Variants in LY75 observed in about 807,000 individuals in gnomAD.
LY75 encodes the protein lymphocyte antigen 75, also known as C-type lectin domain family 13 member B.
In LY75, 185 loss-of-function variants were observed where a neutral mutation model predicts 231.7. That is an observed-to-expected ratio of 0.80 (90% CI 0.71 to 0.90). LY75 has a LOEUF of 0.90. LY75 is among the 40% of genes least tolerant of loss of function. LY75 has a pLI of 0.00. For synonymous variants in LY75, 668 were observed against 689.0 expected (o/e 0.97, Z 0.48); for missense variants, 1,947 against 2,050.2 (o/e 0.95, Z 0.97).
chr2:159,860,043 T>C (rs919969257), intron 15 of LY75, among the ~76,000 whole-genome samples: 8 of 152,256 alleles, frequency 5.3e-5, no homozygotes, highest in Admixed American at 3.9e-4. Context: ...GACTTTAGTT[T>C]TGTGAAGACA....
intron 23 of LY75, among the ~76,000 whole-genome samples, chr2:159,844,936 C>G (rs756202963): frequency 1.3e-5 from 2 of 152,002 alleles, no homozygotes; most frequent in Non-Finnish European, 1.5e-5. Context: ...CTCCCTCTCC[C>G]CTGTGCTCAG....
chr2:159,896,793 T>C (rs1157487130), intron 2 of LY75, among the ~76,000 whole-genome samples: 6 of 152,196 alleles, frequency 3.9e-5, no homozygotes, highest in Non-Finnish European at 5.9e-5. Flanking sequence ...ATGTAGAACT[T>C]AGATGGTACC....
At chr2:159,855,448 T>C (rs928055639) in intron 16 of LY75, among the ~76,000 whole-genome samples, 4 of 152,186 alleles carry the variant, frequency 2.6e-5, no homozygotes, top group Admixed American at 6.5e-5. Context: ...TGCTCCAGTG[T>C]TGAACCTTTT....
chr2:159,842,655 C>T (rs61010155), intron 23 of LY75, among the ~76,000 whole-genome samples: 3 of 152,010 alleles, frequency 2.0e-5, no homozygotes, highest in South Asian at 2.1e-4. Context: ...ATTTAACACT[C>T]GACTACAGTA....
intron 9 of LY75, 65 bp from the exon 10 acceptor site, chr2:159,878,786 A>G: frequency 6.4e-7 from 1 of 1,553,594 alleles, no homozygotes; most frequent in Non-Finnish European, 8.8e-7. Context: ...TCTGGCAAGC[A>G]TGTTTCTGCT....
intron 28 of LY75, 150 bp from the exon 29 acceptor site, chr2:159,820,070 C>T (rs1216942105): frequency 1.6e-6 from 1 of 619,142 alleles, no homozygotes; most frequent in Non-Finnish European, 2.4e-6. Context: ...AAGATATTTT[C>T]TGATTATAAC....
chr2:159,840,995 C>T (rs1354502967), intron 24 of LY75, 40 bp from the exon 25 acceptor site: 1 of 1,602,684 alleles, frequency 6.2e-7, no homozygotes, highest in Non-Finnish European at 8.5e-7. Flanking sequence ...CAAACCCTTC[C>T]CCACACTCTG....
At chr2:159,864,206 A>C (rs535422977) in intron 14 of LY75, among the ~76,000 whole-genome samples, 8 of 152,150 alleles carry the variant, frequency 5.3e-5, no homozygotes, top group African/African-American at 1.9e-4. Flanking sequence ...CACTCTGTTG[A>C]TTGTTTCCTT....
In LY75 at chr2:159,878,366, T is replaced by G. The variant is rs371026859; in HGVS notation, c.1732A>C (p.Arg578=). 3.0e-5 allele frequency: 49 copies of G among 1,614,116 alleles called. No individual in the cohort carries two copies. Among genetic ancestry groups the G allele is most frequent in the Non-Finnish European group, 4.2e-5 (49 of 1,179,984 alleles). ...EYNWATVGGR[R]RAVTFSNWNF... is the part of the protein sequence containing the mutation. ...CAGTTGGAAAAGGTTACAGCCCGCCTTCTTCCACCAACAGTTGCCCAGTTA... is the reference window on the plus strand; with the variant it reads ...CAGTTGGAAAAGGTTACAGCCCGCCGTCTTCCACCAACAGTTGCCCAGTTA... The change falls in exon 11 of 35, where the codon AGG becomes CGG. Residue 578 remains arginine (R), a synonymous_variant. Coordinates refer to ENST00000263636, the MANE Select transcript of LY75 (RefSeq NM_002349.4).
intron 4 of LY75, among the ~76,000 whole-genome samples, chr2:159,886,937 C>T (rs568367431): frequency 9.2e-5 from 14 of 151,988 alleles, no homozygotes; most frequent in African/African-American, 2.2e-4. Context: ...ATTCATTAGG[C>T]ACACATATTA....
At chr2:159,854,871 A>G in intron 17 of LY75, 33 bp downstream of exon 17, 4 of 1,612,526 alleles carry the variant, frequency 2.5e-6, no homozygotes, top group Non-Finnish European at 3.4e-6. Flanking sequence ...AGGTAAAAGC[A>G]GCTTTGGTTA....
intron 27 of LY75, among the ~76,000 whole-genome samples, chr2:159,833,129 C>CTT (rs5835769): frequency 0.023 from 3,022 of 133,928 alleles, 110 homozygotes; most frequent in African/African-American, 0.068. Context: ...TTCCCCCTTC[C>CTT]TTTTTTTTTT....
chr2:159,886,308 C>T, intron 5 of LY75, 112 bp downstream of exon 5: 1 of 1,179,402 alleles, frequency 8.5e-7, no homozygotes, highest in Non-Finnish European at 1.1e-6. Context: ...TGAGAGGTAA[C>T]CATAGTAAGA....
chr2:159,873,685 C>A (rs932208927), intron 12 of LY75, among the ~76,000 whole-genome samples: 1 of 142,842 alleles, frequency 7.0e-6, no homozygotes, highest in African/African-American at 2.5e-5. Context: ...CTGACTGATG[C>A]AGACCAAATA....
chr2:159,823,696 A>G (rs1389912805), intron 28 of LY75, among the ~76,000 whole-genome samples: 1 of 152,226 alleles, frequency 6.6e-6, no homozygotes, highest in Non-Finnish European at 1.5e-5. Context: ...GAACAGCCAG[A>G]GAGAAAGGTC....
rs1358008144 is a variant in LY75, at chr2:159,874,835, G to C, written c.1974+609C>G. Among the ~76,000 whole-genome samples, 9 of 26,120 alleles carry C rather than the reference G, an allele frequency of 3.4e-4. 1 individual carries two copies. Among genetic ancestry groups the C allele is most frequent in the Non-Finnish European group, 1.9e-4 (1 of 5,138 alleles). 17.1% of individuals were successfully genotyped at this position (26,120 alleles called of 152,430 possible). On this transcript the variant is annotated intron_variant, in intron 12 of 34. Coordinates refer to ENST00000263636, the MANE Select transcript of LY75 (RefSeq NM_002349.4). ...AAATTTATGTAAATATATATATTTT[G>C]TAAATATATGTAAATATATATATAT...
intron 1 of LY75, among the ~76,000 whole-genome samples, chr2:159,904,272 G>A (rs529085878): frequency 1.3e-5 from 2 of 152,324 alleles, no homozygotes; most frequent in Admixed American, 6.5e-5. Context: ...ATATAAGAGA[G>A]GCGACGATGG....
At chr2:159,841,386 G>A (rs1041823032) in intron 24 of LY75, among the ~76,000 whole-genome samples, 3 of 151,902 alleles carry the variant, frequency 2.0e-5, no homozygotes, top group Non-Finnish European at 2.9e-5. Context: ...ATAGTACTTC[G>A]CTAATAAAGG....
Position 159,858,349 on chromosome 2 carries a change from A to G in LY75, c.2383+13T>C. On this transcript the variant is annotated intron_variant, in intron 16 of 34. Transcript: ENST00000263636. ...ACATGAGAAGGTTGTGAAAAGGAATAACTACCACTTACCTTTTGGAATTTG... is the reference window on the plus strand; with the variant it reads ...ACATGAGAAGGTTGTGAAAAGGAATGACTACCACTTACCTTTTGGAATTTG... 6.2e-7 allele frequency: 1 copy of G among 1,611,768 alleles called. No homozygotes were observed. Among genetic ancestry groups the G allele is most frequent in the Non-Finnish European group, 8.5e-7 (1 of 1,179,068 alleles).
Sources: allele counts gnomAD v4.1 joint callset (sites outside exome capture counted in the v4.1 genomes callset), GRCh38; gene constraint gnomAD v4.1.1; transcripts MANE v1.5; gene names NCBI Gene and HGNC (gene_info 2026-07-23, HGNC 2026-07-21).